METTL15: variants seen among roughly 807,000 people sequenced by gnomAD.
METTL15 encodes the protein methyltransferase 15, mitochondrial 12S rRNA N4-cytidine.
A neutral mutation model predicts 38.3 loss-of-function variants in METTL15; 34 were observed. That is an observed-to-expected ratio of 0.89 (90% confidence interval 0.68 to 1.18). The LOEUF is 1.18. METTL15 is among the 50% of genes most tolerant of loss of function. The probability of loss-of-function intolerance (pLI) is 0.00; values close to 1 mark genes in which losing one functional copy is unlikely to be tolerated. For synonymous variants in METTL15, 162 were observed against 170.9 expected, an observed-to-expected ratio of 0.95 and a Z score of 0.41; for missense variants, 438 against 498.4, an observed-to-expected ratio of 0.88 and a Z score of 1.15.
chr11:28,401,168 C>T (rs977060403), intron 5 of METTL15, among the ~76,000 whole-genome samples: 3 of 151,900 alleles, frequency 2.0e-5, no homozygotes, highest in African/African-American at 7.3e-5. Context: ...TGTGAGAGTG[C>T]CATGTTTGTG....
chr11:28,220,299 A>C lies in METTL15; in HGVS notation c.407+9101A>C, dbSNP rs1016819904. On this transcript the variant is annotated intron_variant, in intron 4 of 6. Coordinates refer to ENST00000407364, the MANE Select transcript of METTL15 (RefSeq NM_001113528.2). ...GTTAGCTCTTCTTGTTGAATTGATCACTTTACCATTATGTAATGGGCTTCT... is the reference window on the plus strand; with the variant it reads ...GTTAGCTCTTCTTGTTGAATTGATCCCTTTACCATTATGTAATGGGCTTCT... Among the ~76,000 whole-genome samples, 26 of 151,908 alleles carry C rather than the reference A, an allele frequency of 1.7e-4. No homozygotes were observed. The South Asian group carries it at 1.9e-3, about 11-fold the overall frequency.
intron 4 of METTL15, among the ~76,000 whole-genome samples, chr11:28,236,260 A>G (rs1853964710): frequency 6.6e-6 from 1 of 152,132 alleles, no homozygotes; most frequent in Non-Finnish European, 1.5e-5. Flanking sequence ...ATATTGGTCT[A>G]AAATTCTCTT....
chr11:28,426,259 C>A (rs1025023929), intron 6 of METTL15, among the ~76,000 whole-genome samples: 1 of 152,188 alleles, frequency 6.6e-6, no homozygotes, highest in Non-Finnish European at 1.5e-5. Context: ...CCATCCATGT[C>A]CCTGCAAAGG....
intron 3 of METTL15, among the ~76,000 whole-genome samples, chr11:28,204,575 A>C (rs187701092): frequency 2.0e-5 from 3 of 150,930 alleles, no homozygotes; most frequent in African/African-American, 7.3e-5. Context: ...TACAGACTTC[A>C]TGACTTAATA....
At chr11:28,207,015 C>T (rs1289885579) in intron 3 of METTL15, among the ~76,000 whole-genome samples, 362 of 127,240 alleles carry the variant, frequency 2.8e-3, no homozygotes, top group African/African-American at 0.01. Context: ...TGGGCTGAGA[C>T]GATGGGGTTT....
intron 6 of METTL15, among the ~76,000 whole-genome samples, chr11:28,448,266 C>T (rs1851091229): frequency 6.6e-6 from 1 of 152,190 alleles, no homozygotes. Context: ...GTTCTGTTCT[C>T]TTATGCCTTG....
At chr11:28,183,013 G>A (rs962261645) in intron 3 of METTL15, among the ~76,000 whole-genome samples, 2 of 152,010 alleles carry the variant, frequency 1.3e-5, no homozygotes, top group South Asian at 2.1e-4. Context: ...TATTCTCTTA[G>A]TAGCAATTGT....
At chr11:28,376,266 G>T (rs1850310596) in intron 5 of METTL15, among the ~76,000 whole-genome samples, 1 of 152,030 alleles carries the variant, frequency 6.6e-6, no homozygotes, top group East Asian at 1.9e-4. Context: ...TGACAGTGGG[G>T]TGTTAAAGTC....
At chr11:28,208,228 C>T (rs1191235642) in intron 3 of METTL15, among the ~76,000 whole-genome samples, 3 of 152,110 alleles carry the variant, frequency 2.0e-5, no homozygotes, top group Non-Finnish European at 4.4e-5. Context: ...ATCTTTCCTG[C>T]TTTCTCTTGT....
chr11:28,194,200 T>TCC (rs1851821855), intron 3 of METTL15, among the ~76,000 whole-genome samples: 1 of 107,802 alleles, frequency 9.3e-6, no homozygotes, highest in Admixed American at 9.7e-5. Context: ...CTCCTCTCTC[T>TCC]CTCTCTCTCT....
intron 4 of METTL15, among the ~76,000 whole-genome samples, chr11:28,277,718 C>G (rs1855896564): frequency 6.6e-6 from 1 of 151,370 alleles, no homozygotes; most frequent in Admixed American, 6.6e-5. Flanking sequence ...AAAACAGCAA[C>G]AAAAAAAATG....
intron 5 of METTL15, among the ~76,000 whole-genome samples, chr11:28,372,405 T>A (rs1247368470): frequency 1.3e-5 from 2 of 151,412 alleles, no homozygotes; most frequent in East Asian, 1.9e-4. Context: ...TTTGTATCGA[T>A]GTTCATTAGT....
chr11:28,450,520 AG>A (rs373367856), intron 6 of METTL15, among the ~76,000 whole-genome samples: 5 of 152,330 alleles, frequency 3.3e-5, no homozygotes, highest in African/African-American at 1.2e-4. Context: ...TAAAGGTAAA[AG>A]CTTATTGAAT....
intron 5 of METTL15, among the ~76,000 whole-genome samples, chr11:28,389,079 CGTT>C (rs1850473143): frequency 1.3e-5 from 2 of 151,906 alleles, no homozygotes; most frequent in Admixed American, 6.6e-5. Flanking sequence ...TCCAGTCTAT[CGTT>C]GTAGGATATG....
chr11:28,484,248 A>T (rs1851419764), intron 6 of METTL15, among the ~76,000 whole-genome samples: 1 of 152,202 alleles, frequency 6.6e-6, no homozygotes, highest in South Asian at 2.1e-4. Flanking sequence ...TACTTTTATT[A>T]CAAAGAAATC....
intron 3 of METTL15, among the ~76,000 whole-genome samples, chr11:28,186,776 A>G (rs550695362): frequency 6.6e-6 from 1 of 150,798 alleles, no homozygotes; most frequent in African/African-American, 2.4e-5. Flanking sequence ...ATTTTTTTTT[A>G]AAAAAGAGGA....
intron 4 of METTL15, among the ~76,000 whole-genome samples, chr11:28,221,413 A>T (rs993449479): frequency 6.6e-6 from 1 of 152,072 alleles, no homozygotes; most frequent in African/African-American, 2.4e-5. Context: ...CAGCTCCATC[A>T]GGTTCTTTAA....
chr11:28,320,616 G>A (rs961386454), intron 6 of METTL15, among the ~76,000 whole-genome samples: 7 of 151,984 alleles, frequency 4.6e-5, no homozygotes, highest in African/African-American at 7.3e-5. Flanking sequence ...CTAGGCACAG[G>A]AGTAAGAAAA....
chr11:28,117,202 TATATATACATAC>T (rs1476007338), intron 3 of METTL15, among the ~76,000 whole-genome samples: 2 of 150,602 alleles, frequency 1.3e-5, no homozygotes, highest in East Asian at 3.9e-4. Flanking sequence ...TTAGTGTGTG[TATATATACATAC>T]ATATATACAC....
Sources: allele counts gnomAD v4.1 joint callset (sites outside exome capture counted in the v4.1 genomes callset), GRCh38; gene constraint gnomAD v4.1.1; transcripts MANE v1.5; gene names NCBI Gene and HGNC (gene_info 2026-07-23, HGNC 2026-07-21).